STXBP5: variants seen among roughly 807,000 people sequenced by gnomAD.
STXBP5 encodes syntaxin-binding protein 5.
Under a neutral mutation model 152.4 loss-of-function variants are expected in STXBP5, and 50 were observed. The observed-to-expected ratio is 0.33, with a 90% CI of 0.26 to 0.42. The LOEUF is 0.42. STXBP5 is among the 10% of genes least tolerant of loss of function. STXBP5 has a pLI of 1.00. For missense variants in STXBP5, 1,167 were observed against 1,388.6 expected (o/e 0.84, Z 2.54); for synonymous variants, 492 against 494.7 (o/e 0.99, Z 0.07).
intron 2 of STXBP5, among the ~76,000 whole-genome samples, chr6:147,224,395 C>G (rs982731744): frequency 1.3e-5 from 2 of 152,132 alleles, no homozygotes; most frequent in African/African-American, 4.8e-5. Flanking sequence ...CCACTGAACT[C>G]CAGCCTGGGA....
chr6:147,334,068 A>G, intron 18 of STXBP5, 89 bp from the exon 19 acceptor site: 1 of 1,259,580 alleles, frequency 7.9e-7, no homozygotes, highest in Non-Finnish European at 1.1e-6. Flanking sequence ...TTTTAAATGG[A>G]CAGTAGTTAA....
intron 2 of STXBP5, among the ~76,000 whole-genome samples, chr6:147,211,627 G>T (rs1025025975): frequency 6.6e-6 from 1 of 152,182 alleles, no homozygotes; most frequent in East Asian, 1.9e-4. Flanking sequence ...GTCTTACTCT[G>T]TTACCCTGGC....
chr6:147,206,017 A>T lies in STXBP5; in HGVS notation c.197A>T (p.Asp66Val). Reference sequence around the variant, plus strand: ...TATCAACCCTCAGCCCTGGCCTTTGATCCTGTACAGAAGATCCTGGCAGTG... The same window carrying T: ...TATCAACCCTCAGCCCTGGCCTTTGTTCCTGTACAGAAGATCCTGGCAGTG... Reference protein sequence around the residue: ...FPYQPSALAFDPVQKILAVGT... With the variant: ...FPYQPSALAFVPVQKILAVGT... Residue 66 changes from aspartate (D) to valine (V), a missense_variant, in exon 2 of 28, where the codon GAT (aspartate) becomes GTT (valine). Asp to Val is a radical substitution (Grantham distance 152, BLOSUM62 -3). Around this residue, in one of 3 missense-constraint regions of STXBP5, gnomAD observed 310 missense variants for 346.1 expected, o/e 0.90. Transcript: ENST00000321680. 6.2e-7 allele frequency: 1 copy of T among 1,614,056 alleles called. No homozygotes were observed. The highest frequency in any genetic ancestry group is 8.5e-7 in the Non-Finnish European group (1 of 1,179,986).
intron 8 of STXBP5, among the ~76,000 whole-genome samples, chr6:147,290,198 G>A (rs546000388): frequency 6.6e-6 from 1 of 152,124 alleles, no homozygotes; most frequent in African/African-American, 2.4e-5. Context: ...ACAGGAGTGA[G>A]ACCTTGTCTC....
At chr6:147,331,403 T>G (rs890708748) in intron 18 of STXBP5, among the ~76,000 whole-genome samples, 3 of 152,230 alleles carry the variant, frequency 2.0e-5, no homozygotes, top group Admixed American at 2.0e-4. Flanking sequence ...TGAAACATAA[T>G]TGGAGATTTT....
chr6:147,370,381 A>G (rs1785485461), intron 25 of STXBP5, among the ~76,000 whole-genome samples: 2 of 152,080 alleles, frequency 1.3e-5, no homozygotes, highest in Non-Finnish European at 2.9e-5. Flanking sequence ...CCTCAAATAT[A>G]TGCCAGTTTT....
In STXBP5 at chr6:147,339,362, C is replaced by G; in HGVS notation, c.2232C>G (p.Ser744=). 2 of 1,498,586 alleles carry G rather than the reference C, an allele frequency of 1.3e-6. No homozygotes were observed. The highest frequency in any genetic ancestry group is 1.8e-6 in the Non-Finnish European group (2 of 1,131,650). The allele number at this position is 1,498,586 out of a possible 1,614,324, so 92.8% of individuals were successfully genotyped here. The part of the protein sequence containing the change: ...EKVKTKSRKF[S]KMVANDIAKM... ...TGAAGACCAAAAGCAGAAAGTTTTC[C>G]AAGATGGTAGCCAATGATATAGGTA... The change falls in exon 21 of 28, where the codon TCC becomes TCG. Residue 744 remains serine, a synonymous_variant. Coordinates refer to ENST00000321680, the MANE Select transcript of STXBP5 (RefSeq NM_001127715.4).
intron 25 of STXBP5, among the ~76,000 whole-genome samples, chr6:147,365,519 CTTAAG>C (rs1416913741): frequency 6.6e-6 from 1 of 151,972 alleles, no homozygotes; most frequent in Non-Finnish European, 1.5e-5. Context: ...TTTAATTATT[CTTAAG>C]TTAATAGCAG....
chr6:147,357,012 A>G (rs1186161650), intron 22 of STXBP5, among the ~76,000 whole-genome samples: 1 of 152,190 alleles, frequency 6.6e-6, no homozygotes, highest in African/African-American at 2.4e-5. Flanking sequence ...AATTCCTTTC[A>G]CATGCAAGAC....
At chr6:147,325,724 G>T (rs572168803) in intron 17 of STXBP5, among the ~76,000 whole-genome samples, 2 of 152,260 alleles carry the variant, frequency 1.3e-5, no homozygotes, top group East Asian at 3.9e-4. Context: ...TTTATCATGT[G>T]TAGTTCATTG....
intron 7 of STXBP5, among the ~76,000 whole-genome samples, chr6:147,276,184 ATAC>A (rs1459769597): frequency 6.6e-6 from 1 of 152,204 alleles, no homozygotes. Flanking sequence ...AATACTTGTA[ATAC>A]TATGCACTAC....
intron 7 of STXBP5, among the ~76,000 whole-genome samples, chr6:147,276,610 A>G (rs991046692): frequency 6.6e-6 from 1 of 152,050 alleles, no homozygotes; most frequent in African/African-American, 2.4e-5. Context: ...TCCCTTATGA[A>G]TTTTTTAAAA....
chr6:147,378,805 TA>T (rs1166613522), intron 26 of STXBP5, among the ~76,000 whole-genome samples: 4 of 152,274 alleles, frequency 2.6e-5, no homozygotes, highest in Non-Finnish European at 4.4e-5. Flanking sequence ...TGAAAAACTT[TA>T]AATTACTATT....
intron 21 of STXBP5, among the ~76,000 whole-genome samples, chr6:147,342,468 CAT>C (rs1784136989): frequency 6.6e-6 from 1 of 152,146 alleles, no homozygotes; most frequent in Non-Finnish European, 1.5e-5. Context: ...ACAGCAAAAA[CAT>C]AACAGAATAT....
chr6:147,367,823 G>A (rs1785363289), intron 25 of STXBP5, among the ~76,000 whole-genome samples: 1 of 152,034 alleles, frequency 6.6e-6, no homozygotes, highest in Admixed American at 6.6e-5. Flanking sequence ...TCAGTAATAA[G>A]AGAAGTCTCA....
chr6:147,335,531 A>G (rs187550452), intron 19 of STXBP5, among the ~76,000 whole-genome samples: 235 of 152,336 alleles, frequency 1.5e-3, no homozygotes, highest in African/African-American at 5.3e-3. Context: ...GCCCAAATAA[A>G]TTAGTATTCC....
intron 9 of STXBP5, among the ~76,000 whole-genome samples, chr6:147,303,127 G>A (rs749141131): frequency 2.0e-5 from 3 of 152,100 alleles, no homozygotes; most frequent in Non-Finnish European, 2.9e-5. Flanking sequence ...AATCTGATCA[G>A]TATAGGATGA....
At chr6:147,234,025 ATCTAGAAAATT>A (rs1420094682) in intron 2 of STXBP5, among the ~76,000 whole-genome samples, 1 of 151,590 alleles carries the variant, frequency 6.6e-6, no homozygotes, top group Non-Finnish European at 1.5e-5. Context: ...AATGAATACC[ATCTAGAAAATT>A]TCTAGAAAGC....
chr6:147,205,797 A>G lies in STXBP5; in HGVS notation c.151-174A>G, dbSNP rs57284678. ...TAGATTTTTGTTTGTTTCAGGTTCT[A>G]TGTGAATAACTTTGTTAATGTAGGT... On this transcript the variant is annotated intron_variant, in intron 1 of 27. Coordinates refer to ENST00000321680, the MANE Select transcript of STXBP5 (RefSeq NM_001127715.4). Among the ~76,000 whole-genome samples, 1,517 of 152,334 alleles carry G rather than the reference A, an allele frequency of 1.0e-2. 27 individuals carry two copies. The highest frequency in any genetic ancestry group is 0.035 in the African/African-American group (1,460 of 41,582).
Sources: allele counts gnomAD v4.1 joint callset (sites outside exome capture counted in the v4.1 genomes callset), GRCh38; gene constraint gnomAD v4.1.1; regional missense constraint gnomAD v4.1.1; transcripts MANE v1.5; gene names NCBI Gene and HGNC (gene_info 2026-07-23, HGNC 2026-07-21).